Variants in ELMO1 observed in about 807,000 individuals in gnomAD.
ELMO1 encodes engulfment and cell motility 1, also known as engulfment and cell motility protein 1.
Under a neutral mutation model 98.9 loss-of-function variants are expected in ELMO1, and 26 were observed. That is an observed-to-expected ratio of 0.26 (90% CI 0.19 to 0.36). The LOEUF (loss-of-function observed/expected upper bound fraction) is 0.36. Ranked by LOEUF, ELMO1 falls within the 10% of genes least tolerant of loss-of-function variation. The pLI is 1.00. For synonymous variants in ELMO1, 346 were observed against 346.0 expected (o/e 1.00, Z 0.00); for missense variants, 627 against 935.2 (o/e 0.67, Z 4.30).
chr7:37,123,136 G>C (rs1786208819), intron 14 of ELMO1, among the ~76,000 whole-genome samples: 1 of 152,140 alleles, frequency 6.6e-6, no homozygotes, highest in Non-Finnish European at 1.5e-5. Flanking sequence ...ATTTAAAGCA[G>C]TGTGTAGAGG....
At chr7:36,880,744 T>C (rs1181580401) in intron 18 of ELMO1, among the ~76,000 whole-genome samples, 2 of 152,162 alleles carry the variant, frequency 1.3e-5, no homozygotes, top group Non-Finnish European at 2.9e-5. Flanking sequence ...CTGGCAATAC[T>C]ATGGAGAAAA....
At chr7:37,411,936 T>C (rs1159153487) in intron 1 of ELMO1, among the ~76,000 whole-genome samples, 1 of 152,116 alleles carries the variant, frequency 6.6e-6, no homozygotes, top group Non-Finnish European at 1.5e-5. Context: ...TCAGTACAAG[T>C]ACATATTTAA....
intron 14 of ELMO1, among the ~76,000 whole-genome samples, chr7:37,130,622 A>G (rs1262278350): frequency 6.6e-6 from 1 of 152,206 alleles, no homozygotes; most frequent in African/African-American, 2.4e-5. Context: ...CAGGATGCTG[A>G]AAAGTGAGTG....
At chr7:37,344,490 G>A (rs962647964) in intron 1 of ELMO1, among the ~76,000 whole-genome samples, 1 of 152,208 alleles carries the variant, frequency 6.6e-6, no homozygotes, top group Non-Finnish European at 1.5e-5. Context: ...CCATTTGGGT[G>A]ATTTCTTAAG....
At chr7:37,442,257 T>A (rs1185187741) in intron 1 of ELMO1, among the ~76,000 whole-genome samples, 2 of 152,120 alleles carry the variant, frequency 1.3e-5, no homozygotes, top group Non-Finnish European at 2.9e-5. Flanking sequence ...GTCAGTAAAA[T>A]GGCCAACAGC....
At chr7:37,277,351 C>G (rs1206721076) in intron 4 of ELMO1, among the ~76,000 whole-genome samples, 3 of 152,214 alleles carry the variant, frequency 2.0e-5, no homozygotes, top group East Asian at 3.8e-4. Context: ...AGATGGCCCT[C>G]TGGGCATAGG....
At chr7:37,158,946 G>A (rs895037158) in intron 13 of ELMO1, among the ~76,000 whole-genome samples, 4 of 152,150 alleles carry the variant, frequency 2.6e-5, no homozygotes, top group East Asian at 1.9e-4. Flanking sequence ...AATGTGGCAC[G>A]TATACACCAA....
intron 15 of ELMO1, among the ~76,000 whole-genome samples, chr7:37,039,723 C>G (rs1030268629): frequency 6.6e-6 from 1 of 152,166 alleles, no homozygotes; most frequent in African/African-American, 2.4e-5. Context: ...AATTCCTCTT[C>G]CTAGCTATCG....
intron 18 of ELMO1, among the ~76,000 whole-genome samples, chr7:36,884,439 C>T (rs948514327): frequency 6.6e-6 from 1 of 152,174 alleles, no homozygotes; most frequent in African/African-American, 2.4e-5. Context: ...TTACTTACCC[C>T]TTATGGCTAT....
intron 14 of ELMO1, among the ~76,000 whole-genome samples, chr7:37,113,422 T>C (rs886298265): frequency 6.6e-6 from 1 of 152,110 alleles, no homozygotes; most frequent in Non-Finnish European, 1.5e-5. Context: ...ACATTAAATT[T>C]TGAGAGAAAT....
At chr7:37,321,715 T>TAA (rs1799508088) in intron 2 of ELMO1, among the ~76,000 whole-genome samples, 1 of 20,638 alleles carries the variant, frequency 4.8e-5, no homozygotes, top group African/African-American at 5.4e-4. Context: ...AGACTCCGTC[T>TAA]CAAAAAAAAA....
At chr7:37,337,492 G>A (rs1451212136) in intron 2 of ELMO1, among the ~76,000 whole-genome samples, 7 of 148,922 alleles carry the variant, frequency 4.7e-5, no homozygotes, top group East Asian at 2.0e-4. Flanking sequence ...TAACCCGCAC[G>A]TTGTGCACAT....
At chr7:37,205,910 T>C (rs887220540) in intron 13 of ELMO1, among the ~76,000 whole-genome samples, 2 of 152,196 alleles carry the variant, frequency 1.3e-5, no homozygotes, top group Non-Finnish European at 2.9e-5. Context: ...AATTCTTCTA[T>C]AACCTTTCCC....
At chr7:36,874,446 T>C (rs1459853234) in intron 19 of ELMO1, among the ~76,000 whole-genome samples, 1 of 152,244 alleles carries the variant, frequency 6.6e-6, no homozygotes, top group Non-Finnish European at 1.5e-5. Flanking sequence ...GAATAATTTA[T>C]GTAAAGCCCT....
chr7:37,267,291 G>A (rs1277390271), intron 5 of ELMO1, among the ~76,000 whole-genome samples: 2 of 152,010 alleles, frequency 1.3e-5, no homozygotes, highest in Non-Finnish European at 2.9e-5. Context: ...ATACCTCCTC[G>A]GCAGCACGTA....
At chr7:37,425,974 T>A (rs1326025032) in intron 1 of ELMO1, among the ~76,000 whole-genome samples, 2 of 152,010 alleles carry the variant, frequency 1.3e-5, no homozygotes, top group Non-Finnish European at 2.9e-5. Context: ...AACAAAAGGA[T>A]CCATTCTTCA....
chr7:37,392,684 G>T (rs1803132374), intron 1 of ELMO1, among the ~76,000 whole-genome samples: 1 of 152,136 alleles, frequency 6.6e-6, no homozygotes, highest in South Asian at 2.1e-4. Context: ...GATCACACTG[G>T]CTAGCTCTTC....
At chr7:37,388,856 G>T (rs1271381414) in intron 1 of ELMO1, among the ~76,000 whole-genome samples, 1 of 152,264 alleles carries the variant, frequency 6.6e-6, no homozygotes, top group Non-Finnish European at 1.5e-5. Context: ...CACAAAAGAC[G>T]TTCTGCATGT....
intron 20 of ELMO1, among the ~76,000 whole-genome samples, chr7:36,865,203 A>G (rs1279306327): frequency 6.6e-6 from 1 of 152,188 alleles, no homozygotes; most frequent in African/African-American, 2.4e-5. Context: ...GCTAGCATTC[A>G]CTTAACTATG....
Sources: gnomAD v4.1 joint callset for allele counts (sites outside exome capture counted in the v4.1 genomes callset) on GRCh38, gnomAD v4.1.1 for gene constraint, MANE v1.5 for transcripts, NCBI Gene and HGNC (gene_info 2026-07-23, HGNC 2026-07-21) for gene names.